The following GABRB3 variants were observed in gnomAD, a reference collection of about 807,000 sequenced individuals.
GABRB3 encodes gamma-aminobutyric acid receptor subunit beta-3.
Under a neutral mutation model 52.1 loss-of-function variants are expected in GABRB3, and 14 were observed. The observed-to-expected ratio is 0.27, with a 90% CI of 0.18 to 0.42. The LOEUF (loss-of-function observed/expected upper bound fraction) is 0.42, where lower values mean the gene tolerates loss of function less well. Among genes scored for constraint, GABRB3 ranks in the 10% least tolerant of loss-of-function variants. The pLI is 1.00. For synonymous variants in GABRB3, 260 were observed against 232.3 expected (o/e 1.12, Z -1.08); for missense variants, 307 against 609.1 (o/e 0.50, Z 5.22).
At chr15:26,575,399 C>CA (rs1461303441) in intron 6 of GABRB3, among the ~76,000 whole-genome samples, 1 of 151,948 alleles carries the variant, frequency 6.6e-6, no homozygotes, top group Non-Finnish European at 1.5e-5. Flanking sequence ...ATCCCAGTAA[C>CA]AAAAGTCAAT....
At position 26,670,229 on chromosome 15, in the gene GABRB3, C is replaced by A. The variant is rs143012005; in HGVS notation, c.241-48695G>T. ...GGCGGCGAGCGGGAGGGAGGCCAGG[C>A]AGAGATGTGCAGGATGCTCCAGGTG... On this transcript the variant is annotated intron_variant, in intron 3 of 8. Coordinates refer to ENST00000311550, the MANE Select transcript of GABRB3 (RefSeq NM_000814.6). Among the ~76,000 whole-genome samples, 1,115 of 152,240 alleles carry A rather than the reference C, an allele frequency of 7.3e-3. 32 individuals are homozygous for A. The highest frequency in any genetic ancestry group is 0.049 in the Admixed American group (754 of 15,288).
At chr15:26,611,341 T>C (rs1283805949) in intron 4 of GABRB3, among the ~76,000 whole-genome samples, 3 of 152,232 alleles carry the variant, frequency 2.0e-5, no homozygotes, top group East Asian at 3.8e-4. Context: ...GAAACATTTC[T>C]ATAAATTATA....
chr15:26,642,405 G>T, intron 3 of GABRB3: 2 of 1,090,388 alleles, frequency 1.8e-6, no homozygotes, highest in Non-Finnish European at 2.5e-6. Flanking sequence ...ATACTGAGGG[G>T]CAACTGTGTA....
intron 3 of GABRB3, among the ~76,000 whole-genome samples, chr15:26,697,989 C>G (rs932398672): frequency 1.3e-5 from 2 of 152,202 alleles, no homozygotes; most frequent in Non-Finnish European, 2.9e-5. Context: ...CTTACCCCAC[C>G]TCCCTCATCA....
intron 3 of GABRB3, among the ~76,000 whole-genome samples, chr15:26,693,989 C>T (rs1888661448): frequency 6.6e-6 from 1 of 152,292 alleles, no homozygotes; most frequent in Admixed American, 6.5e-5. Context: ...TGGCTCACAC[C>T]TGTTCTCCCA....
intron 5 of GABRB3, 64 bp from the exon 6 acceptor site, chr15:26,580,520 A>C: frequency 6.3e-7 from 1 of 1,598,858 alleles, no homozygotes; most frequent in Non-Finnish European, 8.6e-7. Flanking sequence ...CGGCTAAATA[A>C]ACTATCATTA....
intron 3 of GABRB3, among the ~76,000 whole-genome samples, chr15:26,672,940 C>T (rs1160011398): frequency 1.3e-5 from 2 of 152,156 alleles, no homozygotes; most frequent in African/African-American, 2.4e-5. Context: ...GTCTTAAACT[C>T]TTGTTTCATA....
chr15:26,630,175 G>A (rs1429596840), intron 3 of GABRB3, among the ~76,000 whole-genome samples: 2 of 152,140 alleles, frequency 1.3e-5, no homozygotes, highest in African/African-American at 4.8e-5. Flanking sequence ...TCTTTCCTCT[G>A]GGTGGGCAGG....
At chr15:26,681,965 AATT>A (rs1888254645) in intron 3 of GABRB3, among the ~76,000 whole-genome samples, 1 of 152,084 alleles carries the variant, frequency 6.6e-6, no homozygotes, top group South Asian at 2.1e-4. Flanking sequence ...CTCAAAAAAA[AATT>A]ATTATTTCAC....
intron 3 of GABRB3, among the ~76,000 whole-genome samples, chr15:26,723,810 G>A (rs1414452493): frequency 6.6e-6 from 1 of 152,100 alleles, no homozygotes; most frequent in Non-Finnish European, 1.5e-5. Context: ...GCAAACCAAG[G>A]CCACGATTCC....
At chr15:26,624,869 G>A (rs929413074) in intron 3 of GABRB3, 7 of 985,446 alleles carry the variant, frequency 7.1e-6, no homozygotes, top group Non-Finnish European at 8.4e-6. Flanking sequence ...CGGGAGCCAT[G>A]GTGCCGCTCC....
upstream of GABRB3, among the ~76,000 whole-genome samples, chr15:26,773,315 C>T (rs1199506528): frequency 6.6e-6 from 1 of 150,518 alleles, no homozygotes; most frequent in East Asian, 2.0e-4. Context: ...CCTCTGGGAC[C>T]GCGGAGTGCG....
chr15:26,662,885 T>C (rs542933661), intron 3 of GABRB3, among the ~76,000 whole-genome samples: 20 of 152,354 alleles, frequency 1.3e-4, no homozygotes, highest in Non-Finnish European at 2.4e-4. Context: ...AAAGTAATTA[T>C]AGCTTTACAA....
chr15:26,759,761 A>T (rs1175261693), intron 3 of GABRB3, among the ~76,000 whole-genome samples: 6 of 152,218 alleles, frequency 3.9e-5, no homozygotes, highest in Non-Finnish European at 8.8e-5. Flanking sequence ...AGATTAAAAA[A>T]TGGTGCATGA....
At chr15:26,726,711 T>C (rs1889782272) in intron 3 of GABRB3, among the ~76,000 whole-genome samples, 1 of 152,236 alleles carries the variant, frequency 6.6e-6, no homozygotes, top group South Asian at 2.1e-4. Flanking sequence ...CGATGTCTCT[T>C]TGTGCCACTG....
chr15:26,761,278 C>T (rs376564048), intron 3 of GABRB3, among the ~76,000 whole-genome samples: 1 of 151,888 alleles, frequency 6.6e-6, no homozygotes, highest in African/African-American at 2.4e-5. Flanking sequence ...GCCTGTAGAC[C>T]CAGCTACTTG....
intron 3 of GABRB3, among the ~76,000 whole-genome samples, chr15:26,647,295 C>T (rs1887043805): frequency 6.6e-6 from 1 of 152,118 alleles, no homozygotes; most frequent in Non-Finnish European, 1.5e-5. Flanking sequence ...TTATTCCTGG[C>T]TGTGAATTGT....
intron 3 of GABRB3, among the ~76,000 whole-genome samples, chr15:26,629,570 C>T (rs13329486): frequency 0.04 from 6,101 of 152,118 alleles, 407 homozygotes; most frequent in African/African-American, 0.14. Context: ...AGTGGGGCTG[C>T]GGAGACACAG....
intron 8 of GABRB3, among the ~76,000 whole-genome samples, chr15:26,549,023 T>C (rs145572255): frequency 0.017 from 2,610 of 152,222 alleles, 78 homozygotes; most frequent in African/African-American, 0.06. Flanking sequence ...GCCCCACACT[T>C]CCCTATCTCT....
Sources: allele counts gnomAD v4.1 joint callset (sites outside exome capture counted in the v4.1 genomes callset), GRCh38; gene constraint gnomAD v4.1.1; transcripts MANE v1.5; gene names NCBI Gene and HGNC (gene_info 2026-07-23, HGNC 2026-07-21).